PELI2: variants seen among roughly 807,000 people sequenced by gnomAD.
PELI2 encodes E3 ubiquitin-protein ligase pellino homolog 2.
Under a neutral mutation model 42.3 loss-of-function variants are expected in PELI2, and 23 were observed. The observed-to-expected ratio is 0.54, with a 90% CI of 0.39 to 0.77. PELI2 has a LOEUF of 0.77. PELI2 is among the 30% of genes least tolerant of loss of function. The probability of loss-of-function intolerance (pLI) is 0.00; values close to 1 mark genes in which losing one functional copy is unlikely to be tolerated. For synonymous variants in PELI2, 245 were observed against 212.2 expected, an observed-to-expected ratio of 1.15 and a Z score of -1.34; for missense variants, 463 against 553.2, an observed-to-expected ratio of 0.84 and a Z score of 1.64.
At chr14:56,140,177 A>C (rs960769979) in intron 1 of PELI2, among the ~76,000 whole-genome samples, 40 of 152,236 alleles carry the variant, frequency 2.6e-4, no homozygotes, top group South Asian at 1.0e-3. Context: ...TACATCTGAA[A>C]GGTTTATAAT....
Position 56,273,386 on chromosome 14 carries a change from G to T in PELI2, c.208-6290G>T, listed in dbSNP as rs1379655322. ...TGTGTCACATCCACGGCATTCTCTTGGTCATTGAGCAAGCTACTGAAGCCA... is the reference window on the plus strand; with the variant it reads ...TGTGTCACATCCACGGCATTCTCTTTGTCATTGAGCAAGCTACTGAAGCCA... On this transcript the variant is annotated intron_variant, in intron 2 of 5. Coordinates refer to ENST00000267460, the MANE Select transcript of PELI2 (RefSeq NM_021255.3). The surrounding 1 kb of genome is among the most constrained non-coding windows in gnomAD (Gnocchi z 4.3). 1.3e-5 allele frequency among the ~76,000 whole-genome samples: 2 copies of T among 152,142 alleles called. No individual in the cohort carries two copies. Among genetic ancestry groups the T allele is most frequent in the Admixed American group, 6.5e-5 (1 of 15,270 alleles).
Position 56,286,857 on chromosome 14 carries a change from A to G in PELI2, c.310-1580A>G, listed in dbSNP as rs117185720. Among the ~76,000 whole-genome samples the G allele has an allele frequency of 6.6e-5, 10 of 152,348 alleles. No homozygotes were observed. In the East Asian group the frequency reaches 1.9e-3, roughly 29 times the overall value. ...GTTAGATTTAAGTGGAAGCAAACTGATAAGTCATGTGTATGACCGATCAAG... is the reference window on the plus strand; with the variant it reads ...GTTAGATTTAAGTGGAAGCAAACTGGTAAGTCATGTGTATGACCGATCAAG... On this transcript the variant is annotated intron_variant, in intron 3 of 5. Coordinates refer to ENST00000267460, the MANE Select transcript of PELI2 (RefSeq NM_021255.3).
At chr14:56,184,425 A>G (rs965532980) in intron 2 of PELI2, among the ~76,000 whole-genome samples, 6 of 152,104 alleles carry the variant, frequency 3.9e-5, no homozygotes, top group African/African-American at 1.4e-4. Context: ...CTGGCAAATT[A>G]AAAGAAAATG....
Position 56,196,247 on chromosome 14 carries a change from CGTTTTGTTTTT to C in PELI2, c.207+17790_207+17800del, listed in dbSNP as rs1029976902. On this transcript the variant is annotated intron_variant, in intron 2 of 5. Transcript: ENST00000267460. ...TCTGTTTCTTTCCAAAGCATGTTTT[CGTTTTGTTTTT>C]GTTTTGAGGGGTTTTTCGGTGAAAT... is the stretch of plus-strand genomic sequence containing the variant. 1.5e-3 allele frequency among the ~76,000 whole-genome samples: 235 copies of C among 152,126 alleles called. 1 individual carries two copies. The highest frequency in any genetic ancestry group is 5.0e-3 in the African/African-American group (206 of 41,502).
chr14:56,176,483 T>C (rs575567377), intron 1 of PELI2, among the ~76,000 whole-genome samples: 1 of 152,276 alleles, frequency 6.6e-6, no homozygotes, highest in Non-Finnish European at 1.5e-5. Flanking sequence ...GGCATGCAGT[T>C]AACATAGCAT....
chr14:56,165,580 C>T (rs1214166561), intron 1 of PELI2, among the ~76,000 whole-genome samples: 4 of 152,040 alleles, frequency 2.6e-5, no homozygotes, highest in Non-Finnish European at 4.4e-5. Context: ...TGAAATATTT[C>T]GTAAATACCT....
Position 56,178,359 on chromosome 14 carries a change from A to G in PELI2, c.102A>G (p.Gly34=), listed in dbSNP as rs753044497. 1 of 1,613,950 alleles carries G rather than the reference A, an allele frequency of 6.2e-7. No homozygotes were observed. The highest frequency in any genetic ancestry group is 1.1e-5 in the South Asian group (1 of 91,074). ...VLGYNGALPN[G]DRGRRKSRFA... is the part of the protein sequence containing the mutation. The stretch of plus-strand genomic sequence containing the variant: ...GGTACAATGGTGCTTTACCCAATGG[A>G]GATAGAGGACGGAGGAAAAGTAGAT... Residue 34 remains glycine (G), a synonymous_variant, in exon 2 of 6, where the codon GGA becomes GGG. Transcript: ENST00000267460.
At chr14:56,165,464 A>G (rs898326780) in intron 1 of PELI2, among the ~76,000 whole-genome samples, 2 of 152,160 alleles carry the variant, frequency 1.3e-5, no homozygotes, top group Non-Finnish European at 2.9e-5. Flanking sequence ...CTTCAAGCGC[A>G]TATGTGACCT....
chr14:56,214,832 T>C (rs956039346), intron 2 of PELI2, among the ~76,000 whole-genome samples: 1 of 152,190 alleles, frequency 6.6e-6, no homozygotes, highest in Non-Finnish European at 1.5e-5. Context: ...AGACAGCTCA[T>C]AGCCTCCGGG....
intron 2 of PELI2, among the ~76,000 whole-genome samples, chr14:56,195,013 C>T (rs1049368748): frequency 6.6e-6 from 1 of 152,162 alleles, no homozygotes; most frequent in Non-Finnish European, 1.5e-5. Flanking sequence ...TAATTCACTT[C>T]CCATTGATGA....
chr14:56,150,030 A>G (rs1201140990), intron 1 of PELI2, among the ~76,000 whole-genome samples: 1 of 152,212 alleles, frequency 6.6e-6, no homozygotes, highest in South Asian at 2.1e-4. Context: ...GACATTAGTA[A>G]TACTATTATT....
At chr14:56,283,226 G>A (rs1889537429) in intron 3 of PELI2, among the ~76,000 whole-genome samples, 1 of 152,142 alleles carries the variant, frequency 6.6e-6, no homozygotes, top group African/African-American at 2.4e-5. Context: ...AAAAGATTTA[G>A]TTGGACTTTT....
intron 1 of PELI2, among the ~76,000 whole-genome samples, chr14:56,169,423 T>G (rs1885090272): frequency 6.6e-6 from 1 of 152,170 alleles, no homozygotes; most frequent in Non-Finnish European, 1.5e-5. Context: ...CCCTCCGTGG[T>G]TGGGCGTCAG....
At chr14:56,222,853 G>T (rs948395073) in intron 2 of PELI2, among the ~76,000 whole-genome samples, 3 of 152,212 alleles carry the variant, frequency 2.0e-5, no homozygotes, top group Admixed American at 1.3e-4. Context: ...CTAACTACAT[G>T]GCAGCTGAAG....
intron 1 of PELI2, among the ~76,000 whole-genome samples, chr14:56,120,064 G>A (rs1883006365): frequency 6.6e-6 from 1 of 152,146 alleles, no homozygotes; most frequent in Non-Finnish European, 1.5e-5. Flanking sequence ...TGCATTAAGT[G>A]GGGGTGGTAT....
At chr14:56,289,239 G>A (rs1003500585) in intron 4 of PELI2, among the ~76,000 whole-genome samples, 7 of 152,138 alleles carry the variant, frequency 4.6e-5, no homozygotes, top group Non-Finnish European at 7.4e-5. Flanking sequence ...AAGAAGTGCC[G>A]ATGAAGGCCA....
At chr14:56,192,600 G>C (rs1212192968) in intron 2 of PELI2, among the ~76,000 whole-genome samples, 1 of 152,192 alleles carries the variant, frequency 6.6e-6, no homozygotes, top group Admixed American at 6.5e-5. Context: ...GCTCTAATTA[G>C]TATGGAATCT....
intron 1 of PELI2, among the ~76,000 whole-genome samples, chr14:56,135,404 G>C (rs900756667): frequency 6.6e-6 from 1 of 152,130 alleles, no homozygotes; most frequent in African/African-American, 2.4e-5. Context: ...TTTTCTTAAT[G>C]GTGTGTAATG....
rs78217412 is a variant in PELI2, at chr14:56,243,638, C to T, written c.208-36038C>T. ...ATTTGTTTACTTTTGTTAACCTTTG[C>T]ATTTTTGGGTCATTATTATTGTGTT... is the stretch of plus-strand genomic sequence containing the variant. On this transcript the variant is annotated intron_variant, in intron 2 of 5. Coordinates refer to ENST00000267460, the MANE Select transcript of PELI2 (RefSeq NM_021255.3). Among the ~76,000 whole-genome samples, 38 of 152,268 alleles carry T rather than the reference C, an allele frequency of 2.5e-4. No homozygotes were observed. In the East Asian group the frequency reaches 7.3e-3, roughly 29 times the overall value.
Sources: gnomAD v4.1 joint callset for allele counts (sites outside exome capture counted in the v4.1 genomes callset) on GRCh38, gnomAD v4.1.1 for gene constraint, Gnocchi (gnomAD v3.1) non-coding constraint, MANE v1.5 for transcripts, NCBI Gene and HGNC (gene_info 2026-07-23, HGNC 2026-07-21) for gene names.